SENP8: variants seen among roughly 807,000 people sequenced by gnomAD.
SENP8 encodes the protein SUMO peptidase family member, NEDD8 specific, also known as sentrin-specific protease 8.
SENP8 carries 10 observed loss-of-function variants against 14.4 expected under a neutral mutation model. The observed-to-expected ratio is 0.69, with a 90% confidence interval of 0.43 to 1.18. The LOEUF is 1.18. Among genes scored for constraint, SENP8 ranks in the 50% most tolerant of loss-of-function variants. The pLI is 0.00. For missense variants in SENP8, 202 were observed against 249.4 expected, an observed-to-expected ratio of 0.81 and a Z score of 1.28; for synonymous variants, 94 against 95.5, an observed-to-expected ratio of 0.98 and a Z score of 0.09.
At chr15:72,125,018 C>A (rs1404955773) in intron 1 of SENP8, among the ~76,000 whole-genome samples, 3 of 151,988 alleles carry the variant, frequency 2.0e-5, no homozygotes, top group Non-Finnish European at 2.9e-5. Context: ...CGTGTGGAAA[C>A]CCTGTTGTTT....
At chr15:72,115,541 G>T (rs568924166), upstream of SENP8, among the ~76,000 whole-genome samples, 3 of 152,078 alleles carry the variant, frequency 2.0e-5, no homozygotes, top group Admixed American at 6.5e-5. Flanking sequence ...ACTCAACTCC[G>T]AATATCCAAG....
At chr15:72,133,625 T>C (rs2957371) in intron 1 of SENP8, among the ~76,000 whole-genome samples, 2,490 of 152,362 alleles carry the variant, frequency 0.016, 72 homozygotes, top group African/African-American at 0.054. Flanking sequence ...GTGCCTCTTA[T>C]GGATTTCTTA....
rs758619454 is a variant in SENP8 at position 72,140,106 on chromosome 15, T to C, written c.483T>C (p.Tyr161=). The change falls in exon 2 of 2, where the codon TAT becomes TAC. Residue 161 remains tyrosine, a synonymous_variant. Transcript: ENST00000340912. ...AAGCCCCTGCCCAACAAAACAGCTATGACTGTGGGATGTACGTGATATGTA... is the reference window on the plus strand; with the variant it reads ...AAGCCCCTGCCCAACAAAACAGCTACGACTGTGGGATGTACGTGATATGTA... ...EEKAPAQQNS[Y]DCGMYVICNT... 1.2e-6 allele frequency: 2 copies of C among 1,614,158 alleles called. No homozygotes were observed. Among genetic ancestry groups the C allele is most frequent in the Middle Eastern group, 1.6e-4 (1 of 6,062 alleles).
In SENP8 at chr15:72,139,722, GTTTGCGTTTGAGTAC is replaced by G; in HGVS notation, c.105_119del (p.Phe36_Ala40del). ...GCTGGCTCAATGACCATATTATTGG[GTTTGCGTTTGAGTAC>G]TTTGCCAACAGTCAGTTTCATGACT... On this transcript the variant is annotated inframe_deletion, in exon 2 of 2. Coordinates refer to ENST00000340912, the MANE Select transcript of SENP8 (RefSeq NM_145204.4). The G allele has an allele frequency of 6.2e-7, 1 of 1,614,136 alleles. No homozygotes were observed. Among genetic ancestry groups the G allele is most frequent in the Non-Finnish European group, 8.5e-7 (1 of 1,180,032 alleles).
intron 1 of SENP8, among the ~76,000 whole-genome samples, chr15:72,131,432 A>G (rs1257646376): frequency 6.6e-6 from 1 of 152,200 alleles, no homozygotes; most frequent in Non-Finnish European, 1.5e-5. Context: ...CTTCCCTTGT[A>G]TCAGCAGGCC....
At chr15:72,137,456 A>T (rs2081337572) in intron 1 of SENP8, among the ~76,000 whole-genome samples, 1 of 152,126 alleles carries the variant, frequency 6.6e-6, no homozygotes, top group Admixed American at 6.5e-5. Context: ...TATTGTAAAC[A>T]TTACTTCATC....
At chr15:72,118,253 C>T (rs559023926), upstream of SENP8, 3 of 324,800 alleles carry the variant, frequency 9.2e-6, no homozygotes, top group Non-Finnish European at 1.7e-5. Context: ...TGCGCAGACA[C>T]GCCCCCTTTC....
intron 1 of SENP8, among the ~76,000 whole-genome samples, chr15:72,119,291 TAAATA>T (rs1168707392): frequency 6.6e-6 from 1 of 152,174 alleles, no homozygotes; most frequent in African/African-American, 2.4e-5. Context: ...AACTTTTTGT[TAAATA>T]AAACCAATAC....
At chr15:72,116,944 C>A (rs1357477460), upstream of SENP8, 1 of 152,174 alleles carries the variant, frequency 6.6e-6, no homozygotes, top group African/African-American at 2.4e-5. Context: ...GGGTCTCGGT[C>A]GGTCCCCTTA....
At chr15:72,121,349 A>G (rs1343330151) in intron 1 of SENP8, among the ~76,000 whole-genome samples, 1 of 152,208 alleles carries the variant, frequency 6.6e-6, no homozygotes, top group Non-Finnish European at 1.5e-5. Flanking sequence ...TTCTGTTTGA[A>G]AATCTAGAAT....
chr15:72,123,849 A>T (rs1431852397), intron 1 of SENP8, among the ~76,000 whole-genome samples: 1 of 152,152 alleles, frequency 6.6e-6, no homozygotes, highest in African/African-American at 2.4e-5. Context: ...CTACAAATGG[A>T]ACTCTTGAGG....
chr15:72,125,443 C>G (rs1334185253), intron 1 of SENP8, among the ~76,000 whole-genome samples: 1 of 151,662 alleles, frequency 6.6e-6, no homozygotes, highest in Non-Finnish European at 1.5e-5. Context: ...CTAATATTTT[C>G]TAACAATTTT....
chr15:72,138,415 T>C (rs1159997805), intron 1 of SENP8, among the ~76,000 whole-genome samples: 1 of 150,486 alleles, frequency 6.6e-6, no homozygotes, highest in African/African-American at 2.4e-5. Flanking sequence ...AATGGCATGA[T>C]CTCAGCTCAC....
chr15:72,118,296 C>T (rs1048706396), upstream of SENP8: 1 of 263,984 alleles, frequency 3.8e-6, no homozygotes, highest in African/African-American at 2.2e-5. Flanking sequence ...CAAATTTTTT[C>T]TTCTTCACCT....
In SENP8 at chr15:72,141,465, A is replaced by G. The variant is rs2081379827; in HGVS notation, c.*1203A>G. ...ACAAATTAATTCTATTCCTAATGAGAATTAGATTGCAAGGCCTATGAGACT... is the reference window on the plus strand; with the variant it reads ...ACAAATTAATTCTATTCCTAATGAGGATTAGATTGCAAGGCCTATGAGACT... On this transcript the variant is annotated 3_prime_UTR_variant, in exon 2 of 2. Transcript: ENST00000340912. 6.6e-6 allele frequency: 1 copy of G among 152,294 alleles called. No homozygotes were observed. The allele number at this position is 152,294 out of a possible 1,614,324, so 9.4% of individuals were successfully genotyped here.
chr15:72,136,863 C>T (rs1596657694), intron 1 of SENP8, among the ~76,000 whole-genome samples: 1 of 152,246 alleles, frequency 6.6e-6, no homozygotes, highest in South Asian at 2.1e-4. Context: ...GTCGTGCTGC[C>T]AGGTCACTGC....
chr15:72,116,712 T>C (rs1035580856), upstream of SENP8: 5 of 152,234 alleles, frequency 3.3e-5, no homozygotes, highest in Admixed American at 3.3e-4. Context: ...GGAGGTGAAG[T>C]AATACTACAA....
At chr15:72,131,922 G>C (rs780814743) in intron 1 of SENP8, among the ~76,000 whole-genome samples, 2 of 152,124 alleles carry the variant, frequency 1.3e-5, no homozygotes, top group East Asian at 3.8e-4. Context: ...CTCAAACATA[G>C]GGAACAGGGA....
chr15:72,127,977 T>C (rs1395406476), intron 1 of SENP8, among the ~76,000 whole-genome samples: 2 of 151,996 alleles, frequency 1.3e-5, no homozygotes, highest in Non-Finnish European at 2.9e-5. Context: ...ATAGTGCATA[T>C]AGCTACTTGG....
Sources: allele counts gnomAD v4.1 joint callset (sites outside exome capture counted in the v4.1 genomes callset), GRCh38; gene constraint gnomAD v4.1.1; transcripts MANE v1.5; gene names NCBI Gene and HGNC (gene_info 2026-07-23, HGNC 2026-07-21).